ELF1: variants seen among roughly 807,000 people sequenced by gnomAD.
ELF1 encodes the protein E74 like ETS transcription factor 1, also known as ETS-related transcription factor Elf-1.
A neutral mutation model predicts 59.9 loss-of-function variants in ELF1; 24 were observed. The observed-to-expected ratio is 0.40, with a 90% CI of 0.29 to 0.56. The LOEUF (loss-of-function observed/expected upper bound fraction) is 0.56, where lower values mean the gene tolerates loss of function less well. Ranked by LOEUF, ELF1 falls within the 20% of genes least tolerant of loss-of-function variation. The pLI is 0.44. For missense variants in ELF1, 627 were observed against 742.2 expected (o/e 0.84, Z 1.80); for synonymous variants, 248 against 266.2 (o/e 0.93, Z 0.67).
chr13:40,955,139 C>T (rs866286413), intron 3 of ELF1, among the ~76,000 whole-genome samples: 14 of 150,394 alleles, frequency 9.3e-5, no homozygotes, highest in African/African-American at 2.0e-4. Flanking sequence ...TGGCAACCGC[C>T]GCGTCTGAGA....
chr13:41,060,963 CTCCCG>C (rs1458513754), exon 1 of ELF1: 2 of 330,536 alleles, frequency 6.1e-6, no homozygotes, highest in African/African-American at 4.8e-5. Context: ...TGCCCACACG[CTCCCG>C]AGCTAGGGAA....
chr13:41,040,541 GT>G (rs1463321658), intron 1 of ELF1, among the ~76,000 whole-genome samples: 1 of 152,130 alleles, frequency 6.6e-6, no homozygotes, highest in Non-Finnish European at 1.5e-5. Flanking sequence ...GGGGAGGATG[GT>G]TTTGGGATGA....
chr13:40,934,574 C>CCA (rs1335264342), intron 8 of ELF1, among the ~76,000 whole-genome samples: 1 of 151,966 alleles, frequency 6.6e-6, no homozygotes, highest in Non-Finnish European at 1.5e-5. Context: ...TCACGTGCCA[C>CCA]CACGCCCGGC....
At chr13:41,050,678 G>A (rs1877050040) in intron 1 of ELF1, among the ~76,000 whole-genome samples, 1 of 152,162 alleles carries the variant, frequency 6.6e-6, no homozygotes, top group African/African-American at 2.4e-5. Context: ...AGCCTCCCAA[G>A]TAGCTGGGAC....
chr13:41,049,951 C>CT (rs1877015472), intron 1 of ELF1, among the ~76,000 whole-genome samples: 1 of 152,200 alleles, frequency 6.6e-6, no homozygotes, highest in Non-Finnish European at 1.5e-5. Flanking sequence ...ATTACAGATG[C>CT]TGTTTACATT....
intron 8 of ELF1, 28 bp downstream of exon 8, chr13:40,940,893 A>ATAAGGG: frequency 6.3e-7 from 1 of 1,578,928 alleles, no homozygotes; most frequent in Non-Finnish European, 8.6e-7. Context: ...TATTGAAGTG[A>ATAAGGG]TAAGCATCAG....
intron 1 of ELF1, among the ~76,000 whole-genome samples, chr13:40,994,270 T>C (rs1874022237): frequency 6.6e-6 from 1 of 152,210 alleles, no homozygotes; most frequent in Non-Finnish European, 1.5e-5. Context: ...ACTGAATACC[T>C]AGACCTGTCC....
At chr13:41,026,153 C>T (rs1875895365) in intron 1 of ELF1, among the ~76,000 whole-genome samples, 1 of 152,128 alleles carries the variant, frequency 6.6e-6, no homozygotes, top group Admixed American at 6.5e-5. Flanking sequence ...TAACACATAG[C>T]ATGTCAGAGG....
upstream of ELF1, among the ~76,000 whole-genome samples, chr13:41,022,565 C>T (rs748401584): frequency 1.3e-5 from 2 of 152,214 alleles, no homozygotes; most frequent in East Asian, 3.9e-4. Context: ...TAAACCATAC[C>T]TCAATAAAAC....
chr13:41,021,737 A>G (rs1875698927), upstream of ELF1, among the ~76,000 whole-genome samples: 2 of 152,246 alleles, frequency 1.3e-5, no homozygotes, highest in Admixed American at 6.5e-5. Context: ...CAACTCAAAA[A>G]TAGGAAAACA....
At chr13:41,000,990 T>C (rs1319346882) in intron 1 of ELF1, among the ~76,000 whole-genome samples, 2 of 151,872 alleles carry the variant, frequency 1.3e-5, no homozygotes, top group Non-Finnish European at 2.9e-5. Flanking sequence ...TTTTTTTTTT[T>C]TTCTGAGACA....
At chr13:40,954,595 G>A (rs1313768654) in intron 3 of ELF1, among the ~76,000 whole-genome samples, 3 of 152,216 alleles carry the variant, frequency 2.0e-5, no homozygotes, top group South Asian at 2.1e-4. Flanking sequence ...TTGCAGGCGC[G>A]CGCCGCCACG....
chr13:41,040,637 G>A (rs1483221918), intron 1 of ELF1, among the ~76,000 whole-genome samples: 6 of 152,048 alleles, frequency 3.9e-5, no homozygotes, highest in Admixed American at 3.9e-4. Flanking sequence ...TTCACAATAC[G>A]GTTCATATTC....
intron 1 of ELF1, among the ~76,000 whole-genome samples, chr13:41,058,093 T>C (rs1355893939): frequency 6.6e-6 from 1 of 152,230 alleles, no homozygotes; most frequent in Non-Finnish European, 1.5e-5. Context: ...TTGAATCTTT[T>C]AAAACAAGAA....
At chr13:40,958,752 GT>G in intron 3 of ELF1, 83 bp downstream of exon 3, 5 of 1,458,084 alleles carry the variant, frequency 3.4e-6, no homozygotes, top group Admixed American at 2.5e-5. Context: ...AGTTAGGGGC[GT>G]TTTATGCCCC....
At chr13:40,964,386 G>A (rs766731947) in intron 2 of ELF1, among the ~76,000 whole-genome samples, 1 of 152,128 alleles carries the variant, frequency 6.6e-6, no homozygotes, top group Non-Finnish European at 1.5e-5. Flanking sequence ...TCAAGGTGTT[G>A]GCAGGGCTGG....
rs536010056 is a variant in ELF1 at position 40,938,471 on chromosome 13, C to T, written c.1256+2450G>A. On this transcript the variant is annotated intron_variant, in intron 8 of 8. Transcript: ENST00000239882. ...GACAATTCCTGTGATTTATGTAAAT[C>T]GGTAGGCAGTGTAGCAAGTCATTAA... Among the ~76,000 whole-genome samples the T allele has an allele frequency of 5.3e-5, 8 of 152,284 alleles. No individual in the cohort carries two copies. The South Asian group carries it at 1.2e-3, about 24-fold the overall frequency.
chr13:40,988,627 G>A (rs1873680034), intron 1 of ELF1, among the ~76,000 whole-genome samples: 1 of 152,098 alleles, frequency 6.6e-6, no homozygotes, highest in African/African-American at 2.4e-5. Context: ...TTAAGTCTTA[G>A]AGTTTTACTA....
At chr13:41,036,394 A>G (rs1876382213) in intron 1 of ELF1, among the ~76,000 whole-genome samples, 1 of 152,240 alleles carries the variant, frequency 6.6e-6, no homozygotes, top group East Asian at 1.9e-4. Context: ...CGTTTTGGCT[A>G]TAGCTAAACT....
Sources: allele counts gnomAD v4.1 joint callset (sites outside exome capture counted in the v4.1 genomes callset), GRCh38; gene constraint gnomAD v4.1.1; transcripts MANE v1.5; gene names NCBI Gene and HGNC (gene_info 2026-07-23, HGNC 2026-07-21).